Variants in SAT2 observed in about 807,000 individuals in gnomAD.
The protein encoded by SAT2 is thialysine N-epsilon-acetyltransferase.
Under a neutral mutation model 24.8 loss-of-function variants are expected in SAT2, and 19 were observed. The observed-to-expected ratio is 0.77, with a 90% CI of 0.53 to 1.12. The LOEUF (loss-of-function observed/expected upper bound fraction) is 1.12, where lower values mean the gene tolerates loss of function less well. Among genes scored for constraint, SAT2 ranks in the 50% most tolerant of loss-of-function variants. The probability of loss-of-function intolerance (pLI) is 0.00; values close to 1 mark genes in which losing one functional copy is unlikely to be tolerated. For missense variants in SAT2, 190 were observed against 210.7 expected, an observed-to-expected ratio of 0.90 and a Z score of 0.61; for synonymous variants, 77 against 77.4, an observed-to-expected ratio of 0.99 and a Z score of 0.03.
At position 7,627,771 on chromosome 17, in the gene SAT2, G is replaced by C. The variant is rs754857860; in HGVS notation, c.-136C>G. 6 of 973,752 alleles carry C rather than the reference G, an allele frequency of 6.2e-6. No individual in the cohort carries two copies. Among genetic ancestry groups the C allele is most frequent in the Non-Finnish European group, 9.7e-6 (6 of 619,816 alleles). The allele number at this position is 973,752 out of a possible 1,614,324, so 60.3% of individuals were successfully genotyped here. On this transcript the variant is annotated 5_prime_UTR_variant, in exon 1 of 6. Transcript: ENST00000269298. This position sits in a 1 kb window ranked among gnomAD's most constrained non-coding sequence, Gnocchi z 4.8. ...GGGAGTCGGGGGGGACGGCGGGGTA[G>C]CCGCGGCCTGGTAAGTGGAGCTGGG...
chr17:7,627,200 T>G lies in SAT2; in HGVS notation c.145A>C (p.Asn49His). The change falls in exon 3 of 6, where the codon AAT becomes CAT. Residue 49 changes from asparagine to histidine, a missense_variant. Asn to His is a moderately conservative substitution (Grantham distance 68). Transcript: ENST00000269298. This position sits in a 1 kb window ranked among gnomAD's most constrained non-coding sequence, Gnocchi z 4.8. ...EALRADGFGDNPFYHCLVAEI... is the reference protein window; with the variant it reads ...EALRADGFGDHPFYHCLVAEI... ...GCTACCAAACAGTGATAGAAAGGAT[T>G]GTCTCCAAAGCCATCTGCTCTCAGG... The G allele has an allele frequency of 6.2e-7, 1 of 1,614,074 alleles. No homozygotes were observed. Among genetic ancestry groups the G allele is most frequent in the Non-Finnish European group, 8.5e-7 (1 of 1,180,006 alleles).
chr17:7,627,123 T>C lies in SAT2; in HGVS notation c.202+20A>G. ...GAGGCCGGCTGGAGAGGTGGACTTC[T>C]AAGGGCCAGGTGCTCTTACCCAGTA... is the stretch of plus-strand genomic sequence containing the variant. On this transcript the variant is annotated intron_variant, in intron 3 of 5. Coordinates refer to ENST00000269298, the MANE Select transcript of SAT2 (RefSeq NM_133491.5). The surrounding 1 kb of genome is among the most constrained non-coding windows in gnomAD (Gnocchi z 4.8). 1 of 1,613,998 alleles carries C rather than the reference T, an allele frequency of 6.2e-7. No homozygotes were observed. Among genetic ancestry groups the C allele is most frequent in the Non-Finnish European group, 8.5e-7 (1 of 1,179,898 alleles).
At chr17:7,627,860 C>T (rs1431580857), upstream of SAT2, 1 of 652,926 alleles carries the variant, frequency 1.5e-6, no homozygotes, top group South Asian at 1.7e-5. This position sits in a 1 kb window ranked among gnomAD's most constrained non-coding sequence, Gnocchi z 4.8. Flanking sequence ...GGGCATAGCC[C>T]CACCCCCTCG....
chr17:7,627,678 A>G lies in SAT2; in HGVS notation c.-43T>C, dbSNP rs773191770. ...GGGACCAAAGTCCCAGGGCCTCGCA[A>G]ACGGCAACTAGACCCCTTAAAGGGC... On this transcript the variant is annotated 5_prime_UTR_variant, in exon 1 of 6. Coordinates refer to ENST00000269298, the MANE Select transcript of SAT2 (RefSeq NM_133491.5). This position sits in a 1 kb window ranked among gnomAD's most constrained non-coding sequence, Gnocchi z 4.8. 6.2e-7 allele frequency: 1 copy of G among 1,611,468 alleles called. No homozygotes were observed.
chr17:7,627,528 C>T lies in SAT2; in HGVS notation c.66+42G>A. Reference sequence around the variant, plus strand: ...CCGCCTCCTACGACCCCGCTCTGGCCGCGCCACTCTGACCCCCGGGTTACC... The same window carrying T: ...CCGCCTCCTACGACCCCGCTCTGGCTGCGCCACTCTGACCCCCGGGTTACC... On this transcript the variant is annotated intron_variant, in intron 1 of 5. Transcript: ENST00000269298. This position sits in a 1 kb window ranked among gnomAD's most constrained non-coding sequence, Gnocchi z 4.8. 1 of 1,602,502 alleles carries T rather than the reference C, an allele frequency of 6.2e-7. No homozygotes were observed. The highest frequency in any genetic ancestry group is 8.5e-7 in the Non-Finnish European group (1 of 1,171,412).
rs113136747 is a variant in SAT2, at chr17:7,626,964, A to G, written c.283T>C (p.Tyr95His). Residue 95 changes from tyrosine to histidine, a missense_variant, in exon 4 of 6, where the codon TAT becomes CAT. Tyr to His is a moderately conservative substitution (Grantham distance 83). Coordinates refer to ENST00000269298, the MANE Select transcript of SAT2 (RefSeq NM_133491.5). ...KGRTIYLEDI[Y>H]VMPEYRGQGI... is the part of the protein sequence containing the mutation. Reference sequence around the variant, plus strand: ...GTACCCCGATATTCCGGCATCACATAGATATCCTCCAGATAAATGGTGCGT... The same window carrying G: ...GTACCCCGATATTCCGGCATCACATGGATATCCTCCAGATAAATGGTGCGT... 1 of 1,613,970 alleles carries G rather than the reference A, an allele frequency of 6.2e-7. No individual in the cohort carries two copies. The highest frequency in any genetic ancestry group is 2.2e-5 in the East Asian group (1 of 44,864).
Position 7,627,599 on chromosome 17 carries a change from C to T in SAT2, c.37G>A (p.Asp13Asn). The T allele has an allele frequency of 1.9e-6, 3 of 1,612,832 alleles. No individual in the cohort carries two copies. Among genetic ancestry groups the T allele is most frequent in the East Asian group, 2.2e-5 (1 of 44,864 alleles). Residue 13 changes from aspartate (D) to asparagine (N), a missense_variant, in exon 1 of 6, where the codon GAC becomes AAC. Physicochemically the swap from Asp to Asn is conservative, Grantham distance 23. Transcript: ENST00000269298. The surrounding 1 kb of genome is among the most constrained non-coding windows in gnomAD (Gnocchi z 4.8). ...ATCAGCCTCAGGATATCTCCACAGT[C>T]TCCCTCCTTGGCCTCTCGGATCCGC... is the stretch of plus-strand genomic sequence containing the variant. ...SVRIREAKEG[D>N]CGDILRLIRE...
chr17:7,627,845 T>C (rs1446827775), upstream of SAT2: 2 of 657,728 alleles, frequency 3.0e-6, no homozygotes, highest in African/African-American at 1.8e-5. The surrounding 1 kb of genome is among the most constrained non-coding windows in gnomAD (Gnocchi z 4.8). Context: ...GGCGATCCTC[T>C]GTCCGGGCAT....
chr17:7,627,795 G>A lies in SAT2; in HGVS notation c.-160C>T, dbSNP rs748134999. On this transcript the variant is annotated 5_prime_UTR_variant, in exon 1 of 6. Transcript: ENST00000269298. This position sits in a 1 kb window ranked among gnomAD's most constrained non-coding sequence, Gnocchi z 4.8. Reference sequence around the variant, plus strand: ...AGCCGCGGCCTGGTAAGTGGAGCTGGGATTCCGGCGCCGTACGGGAGGAGA... The same window carrying A: ...AGCCGCGGCCTGGTAAGTGGAGCTGAGATTCCGGCGCCGTACGGGAGGAGA... The A allele has an allele frequency of 7.6e-6, 6 of 788,374 alleles. No individual in the cohort carries two copies. The highest frequency in any genetic ancestry group is 1.3e-5 in the Non-Finnish European group (6 of 457,328). The allele number at this position is 788,374 out of a possible 1,614,324, so 48.8% of individuals were successfully genotyped here.
Position 7,626,491 on chromosome 17 carries a change from A to C in SAT2, c.469T>G (p.Phe157Val). 6.2e-7 allele frequency: 1 copy of C among 1,614,096 alleles called. No homozygotes were observed. Among genetic ancestry groups the C allele is most frequent in the Non-Finnish European group, 8.5e-7 (1 of 1,180,002 alleles). Residue 157 changes from phenylalanine (F) to valine (V), a missense_variant, in exon 6 of 6, where the codon TTC (phenylalanine) becomes GTC (valine). Physicochemically the swap from Phe to Val is conservative, Grantham distance 50. Coordinates refer to ENST00000269298, the MANE Select transcript of SAT2 (RefSeq NM_133491.5). ...DLTEAEGWHF[F>V]CFQGEATRKL... Reference sequence around the variant, plus strand: ...CTCGTTGCCTCTCCTTGAAAGCAGAAGAAGTGCCAGCCCTCAGCTTCCGTC... The same window carrying C: ...CTCGTTGCCTCTCCTTGAAAGCAGACGAAGTGCCAGCCCTCAGCTTCCGTC...
chr17:7,626,702 T>C (rs952490186), intron 5 of SAT2, 51 bp downstream of exon 5: 3 of 1,613,478 alleles, frequency 1.9e-6, no homozygotes, highest in Non-Finnish European at 2.5e-6. Context: ...CCCCCCTCCA[T>C]ATACCCTTGC....
In SAT2 at chr17:7,627,301, T is replaced by G; in HGVS notation, c.118+62A>C. 1.1e-5 allele frequency: 17 copies of G among 1,612,712 alleles called. No individual in the cohort carries two copies. Among genetic ancestry groups the G allele is most frequent in the Non-Finnish European group, 1.4e-5 (16 of 1,178,912 alleles). ...GTATGCCCAGCCTGGAGCTGTCGCC[T>G]GGGGAACCCATCCCTCATTTCCTCC... On this transcript the variant is annotated intron_variant, in intron 2 of 5. Transcript: ENST00000269298. The surrounding 1 kb of genome is among the most constrained non-coding windows in gnomAD (Gnocchi z 4.8).
rs146528619 is a variant in SAT2 at position 7,627,571 on chromosome 17, C to A, written c.65G>T (p.Arg22Leu). 4.2e-5 allele frequency: 67 copies of A among 1,609,954 alleles called. No individual in the cohort carries two copies. In the African/African-American group the frequency reaches 8.7e-4, roughly 21 times the overall value. The change falls in exon 1 of 6, where the codon CGG becomes CTG. Residue 22 changes from arginine (R) to leucine (L), a missense_variant and splice_region_variant. Arg to Leu is a moderately radical substitution (Grantham distance 102). Transcript: ENST00000269298. The surrounding 1 kb of genome is among the most constrained non-coding windows in gnomAD (Gnocchi z 4.8). ...GDCGDILRLI[R>L]ELAEFEKLSD... Reference sequence around the variant, plus strand: ...GGGTTACCGGCCTGCAGTCTTCACCCGAATCAGCCTCAGGATATCTCCACA... The same window carrying A: ...GGGTTACCGGCCTGCAGTCTTCACCAGAATCAGCCTCAGGATATCTCCACA...
chr17:7,627,650 T>C lies in SAT2; in HGVS notation c.-15A>G, dbSNP rs1410875161. The C allele has an allele frequency of 8.1e-6, 13 of 1,613,964 alleles. No individual in the cohort carries two copies. The highest frequency in any genetic ancestry group is 1.1e-5 in the Non-Finnish European group (13 of 1,179,968). On this transcript the variant is annotated 5_prime_UTR_variant, in exon 1 of 6. Transcript: ENST00000269298. This position sits in a 1 kb window ranked among gnomAD's most constrained non-coding sequence, Gnocchi z 4.8. ...ACGGAAGCCATCCGGATCCCCGCTGTCTGGGACCAAAGTCCCAGGGCCTCG... is the reference window on the plus strand; with the variant it reads ...ACGGAAGCCATCCGGATCCCCGCTGCCTGGGACCAAAGTCCCAGGGCCTCG...
rs754410616 is a variant in SAT2 at position 7,626,407 on chromosome 17, G to C, written c.*40C>G. On this transcript the variant is annotated 3_prime_UTR_variant, in exon 6 of 6. Transcript: ENST00000269298. Reference sequence around the variant, plus strand: ...TCTGAAGAGTGCTTCAGCTGATGGGGAAGGAGAAACTCAAGACAGAGATCC... The same window carrying C: ...TCTGAAGAGTGCTTCAGCTGATGGGCAAGGAGAAACTCAAGACAGAGATCC... The C allele has an allele frequency of 3.1e-6, 5 of 1,606,636 alleles. No homozygotes were observed. In the East Asian group the frequency reaches 1.1e-4, roughly 36 times the overall value.
intron 4 of SAT2, 42 bp from the exon 5 acceptor site, chr17:7,626,835 G>C (rs755086963): frequency 1.9e-6 from 3 of 1,610,722 alleles, no homozygotes; most frequent in Non-Finnish European, 2.5e-6. Flanking sequence ...TATTGTTTGA[G>C]CTGAAGGGGA....
intron 4 of SAT2, 37 bp downstream of exon 4, chr17:7,626,906 C>A: frequency 6.3e-7 from 1 of 1,596,982 alleles, no homozygotes; most frequent in Non-Finnish European, 8.6e-7. Context: ...CTGTGGGGTG[C>A]TTTGCTCCCA....
In SAT2 at chr17:7,626,988, G is replaced by C. The variant is rs752683521; in HGVS notation, c.259C>G (p.Arg87Gly). Residue 87 changes from arginine to glycine, a missense_variant, in exon 4 of 6, where the codon CGC (arginine) becomes GGC (glycine). Physicochemically the swap from Arg to Gly is moderately radical, Grantham distance 125. Transcript: ENST00000269298. ...TAGATATCCTCCAGATAAATGGTGCGTCCCTTCCATGTACTGTAGATGAAA... is the reference window on the plus strand; with the variant it reads ...TAGATATCCTCCAGATAAATGGTGCCTCCCTTCCATGTACTGTAGATGAAA... ...YYFIYSTWKG[R>G]TIYLEDIYVM... 5.0e-6 allele frequency: 8 copies of C among 1,613,790 alleles called. No homozygotes were observed. Among genetic ancestry groups the C allele is most frequent in the Admixed American group, 1.7e-5 (1 of 59,968 alleles).
Position 7,626,616 on chromosome 17 carries a change from T to C in SAT2, c.346-2A>G. On this transcript the variant is annotated splice_acceptor_variant, in intron 5 of 5. Transcript: ENST00000269298. LOFTEE classifies it high-confidence loss of function. Reference sequence around the variant, plus strand: ...GGAGCAGCCCTTATCCAAGGCCACCTGTGGGAGAAGACAACACTAACTTTT... The same window carrying C: ...GGAGCAGCCCTTATCCAAGGCCACCCGTGGGAGAAGACAACACTAACTTTT... The C allele has an allele frequency of 6.2e-7, 1 of 1,612,132 alleles. No individual in the cohort carries two copies.
Sources: allele counts gnomAD v4.1 joint callset, GRCh38; gene constraint gnomAD v4.1.1; non-coding constraint Gnocchi (gnomAD v3.1); transcripts MANE v1.5; gene names NCBI Gene and HGNC (gene_info 2026-07-23, HGNC 2026-07-21).